The following CERS6 variants were observed in gnomAD, a reference collection of about 807,000 sequenced individuals.
CERS6 encodes ceramide synthase 6.
CERS6 carries 26 observed loss-of-function variants against 56.8 expected under a neutral mutation model. The ratio of observed to expected loss-of-function variants is 0.46; its 90% CI spans 0.34 to 0.63. CERS6 has a LOEUF of 0.63. Ranked by LOEUF, CERS6 falls within the 30% of genes least tolerant of loss-of-function variation. The pLI is 0.01. For missense variants in CERS6, 415 were observed against 467.5 expected (o/e 0.89, Z 1.04); for synonymous variants, 164 against 173.3 (o/e 0.95, Z 0.42).
At chr2:168,645,429 G>C (rs1685176140) in intron 4 of CERS6, among the ~76,000 whole-genome samples, 1 of 151,614 alleles carries the variant, frequency 6.6e-6, no homozygotes, top group African/African-American at 2.4e-5. Context: ...AATGAATATA[G>C]TTTTTTGAGT....
At chr2:168,527,572 G>A (rs890552688) in intron 1 of CERS6, among the ~76,000 whole-genome samples, 1 of 152,120 alleles carries the variant, frequency 6.6e-6, no homozygotes, top group African/African-American at 2.4e-5. Context: ...ATCAGGCAGT[G>A]GCGGGTGTGG....
chr2:168,545,128 CACAT>C lies in CERS6; in HGVS notation c.171-2467_171-2464del, dbSNP rs879685784. 6.2e-4 allele frequency among the ~76,000 whole-genome samples: 94 copies of C among 151,822 alleles called. 1 individual carries two copies. Among genetic ancestry groups the C allele is most frequent in the Non-Finnish European group, 1.1e-3 (74 of 67,946 alleles). ...ACATACATGTATTTGTAGAAACACA[CACAT>C]GTATTTGTAGAAACACATACATGTA... On this transcript the variant is annotated intron_variant, in intron 1 of 9. Coordinates refer to ENST00000305747, the MANE Select transcript of CERS6 (RefSeq NM_203463.3).
chr2:168,726,214 C>T (rs1157429212), intron 8 of CERS6, among the ~76,000 whole-genome samples: 2 of 152,186 alleles, frequency 1.3e-5, no homozygotes, highest in Non-Finnish European at 2.9e-5. Context: ...TCCGTTAATA[C>T]ACAGAGAAAG....
At chr2:168,611,363 C>T (rs1354067591) in intron 3 of CERS6, among the ~76,000 whole-genome samples, 1 of 152,154 alleles carries the variant, frequency 6.6e-6, no homozygotes, top group Non-Finnish European at 1.5e-5. Context: ...TTAACCAGCT[C>T]CTCAATTGCC....
At chr2:168,520,978 A>G (rs1190312280) in intron 1 of CERS6, among the ~76,000 whole-genome samples, 1 of 150,706 alleles carries the variant, frequency 6.6e-6, no homozygotes, top group Non-Finnish European at 1.5e-5. Flanking sequence ...TCCCTGCAAC[A>G]TTAATATTAT....
chr2:168,658,248 A>G (rs1685540721), intron 4 of CERS6, among the ~76,000 whole-genome samples: 1 of 152,184 alleles, frequency 6.6e-6, no homozygotes, highest in South Asian at 2.1e-4. Flanking sequence ...TAAACATAGT[A>G]TCAGTAACTA....
At chr2:168,674,182 G>A (rs906410076) in intron 4 of CERS6, among the ~76,000 whole-genome samples, 1 of 152,156 alleles carries the variant, frequency 6.6e-6, no homozygotes, top group South Asian at 2.1e-4. Flanking sequence ...GAGAGAGTTG[G>A]CTTTTCAACC....
intron 1 of CERS6, among the ~76,000 whole-genome samples, chr2:168,526,047 A>G (rs1178047754): frequency 6.6e-6 from 1 of 152,200 alleles, no homozygotes; most frequent in Non-Finnish European, 1.5e-5. Flanking sequence ...GGTTGTGGCT[A>G]TTTAAGGATT....
At chr2:168,713,726 T>C (rs571221843) in intron 6 of CERS6, among the ~76,000 whole-genome samples, 165 of 152,296 alleles carry the variant, frequency 1.1e-3, no homozygotes, top group Non-Finnish European at 2.0e-3. Context: ...GTATGCAGTA[T>C]ACCTAAGTAA....
chr2:168,606,346 A>G (rs1684052627), intron 3 of CERS6: 2 of 152,130 alleles, frequency 1.3e-5, no homozygotes, highest in South Asian at 2.1e-4. Flanking sequence ...CTATACCACC[A>G]TTGTATCTTG....
chr2:168,572,114 T>C (rs1696000584), intron 3 of CERS6, among the ~76,000 whole-genome samples: 1 of 152,224 alleles, frequency 6.6e-6, no homozygotes. Flanking sequence ...CATTAGAGGC[T>C]CAAGTCTTGG....
chr2:168,554,479 C>T (rs1695639697), intron 2 of CERS6, among the ~76,000 whole-genome samples: 1 of 151,956 alleles, frequency 6.6e-6, no homozygotes, highest in Non-Finnish European at 1.5e-5. Context: ...ACAAACGGGA[C>T]AATTGGACAC....
Position 168,694,939 on chromosome 2 carries a change from T to C in CERS6, c.517-20T>C. On this transcript the variant is annotated intron_variant, in intron 5 of 9. Transcript: ENST00000305747. Reference sequence around the variant, plus strand: ...TCCCTATTAACTACTAATCATTCCTTTTTTTTCTTTCACCTTCAGCCACTC... The same window carrying C: ...TCCCTATTAACTACTAATCATTCCTCTTTTTTCTTTCACCTTCAGCCACTC... 1 of 1,599,230 alleles carries C rather than the reference T, an allele frequency of 6.3e-7. No homozygotes were observed. The highest frequency in any genetic ancestry group is 8.6e-7 in the Non-Finnish European group (1 of 1,167,614).
chr2:168,701,155 A>G (rs1686796407), intron 6 of CERS6, among the ~76,000 whole-genome samples: 2 of 152,196 alleles, frequency 1.3e-5, no homozygotes, highest in South Asian at 4.1e-4. Context: ...CTGGCCCCCA[A>G]CCAATGATAA....
intron 1 of CERS6, among the ~76,000 whole-genome samples, chr2:168,466,110 A>G (rs1024315042): frequency 2.1e-4 from 1 of 4,718 alleles, no homozygotes; most frequent in Non-Finnish European, 3.7e-4. Context: ...GAGGGGTGAT[A>G]GAAGGAAGGT....
At chr2:168,495,272 C>T (rs1333372760) in intron 1 of CERS6, among the ~76,000 whole-genome samples, 1 of 152,130 alleles carries the variant, frequency 6.6e-6, no homozygotes, top group Non-Finnish European at 1.5e-5. Context: ...AAATTTAACT[C>T]CTTTCTATTC....
chr2:168,463,249 C>T (rs1401898787), intron 1 of CERS6, among the ~76,000 whole-genome samples: 1 of 152,176 alleles, frequency 6.6e-6, no homozygotes, highest in East Asian at 1.9e-4. Flanking sequence ...ATCATTCAAT[C>T]ATACTGTATA....
intron 1 of CERS6, among the ~76,000 whole-genome samples, chr2:168,490,459 A>G (rs535811404): frequency 6.6e-6 from 1 of 152,244 alleles, no homozygotes; most frequent in South Asian, 2.1e-4. Flanking sequence ...AAAACCAAAC[A>G]AAACAAAACT....
At chr2:168,758,913 A>G (rs1413563492) in intron 8 of CERS6, among the ~76,000 whole-genome samples, 1 of 152,140 alleles carries the variant, frequency 6.6e-6, no homozygotes, top group Admixed American at 6.5e-5. Flanking sequence ...TACGGCCTTA[A>G]GTATCTTCTT....
Sources: allele counts gnomAD v4.1 joint callset (sites outside exome capture counted in the v4.1 genomes callset), GRCh38; gene constraint gnomAD v4.1.1; transcripts MANE v1.5; gene names NCBI Gene and HGNC (gene_info 2026-07-23, HGNC 2026-07-21).